NMT1: variants seen among roughly 807,000 people sequenced by gnomAD.
NMT1 encodes the protein glycylpeptide N-tetradecanoyltransferase 1.
In NMT1, 12 loss-of-function variants were observed where a neutral mutation model predicts 63.4. The ratio of observed to expected loss-of-function variants is 0.19; its 90% confidence interval spans 0.12 to 0.31. The LOEUF is 0.31. NMT1 is among the 10% of genes least tolerant of loss of function. NMT1 has a pLI of 1.00. For synonymous variants in NMT1, 228 were observed against 234.3 expected, an observed-to-expected ratio of 0.97 and a Z score of 0.25; for missense variants, 432 against 634.6, an observed-to-expected ratio of 0.68 and a Z score of 3.43.
At chr17:45,082,187 G>C (rs1233444509) in intron 2 of NMT1, among the ~76,000 whole-genome samples, 1 of 152,044 alleles carries the variant, frequency 6.6e-6, no homozygotes, top group Admixed American at 6.6e-5. Flanking sequence ...GCTCACTGCA[G>C]CCTCCACTCC....
At chr17:45,070,873 A>C (rs2053935422) in intron 1 of NMT1, among the ~76,000 whole-genome samples, 1 of 152,208 alleles carries the variant, frequency 6.6e-6, no homozygotes, top group African/African-American at 2.4e-5. Context: ...TGATGGCAGT[A>C]CTAAAGTGTT....
intron 1 of NMT1, among the ~76,000 whole-genome samples, chr17:45,072,142 C>T (rs1233466637): frequency 4.0e-5 from 6 of 151,540 alleles, no homozygotes; most frequent in Admixed American, 6.6e-5. Flanking sequence ...GTCCCAGCTA[C>T]GCAGGAGGCT....
At chr17:45,067,875 G>A (rs1289848883) in intron 1 of NMT1, among the ~76,000 whole-genome samples, 4 of 152,182 alleles carry the variant, frequency 2.6e-5, no homozygotes, top group East Asian at 1.9e-4. Context: ...TCAGGGACTC[G>A]CTGCTCATGG....
rs530382672 is a variant in NMT1 at position 45,107,635 on chromosome 17, T to C, written c.*1996T>C. The C allele has an allele frequency of 3.3e-5, 5 of 152,520 alleles. No individual in the cohort carries two copies. Among genetic ancestry groups the C allele is most frequent in the Admixed American group, 6.5e-5 (1 of 15,302 alleles). 9.4% of individuals were successfully genotyped at this position (152,520 alleles called of 1,614,324 possible). ...GATATCAAAGGACAAAGTGCCCAAG[T>C]CTTTCCTACCTTGGGGGAACCTGGA... On this transcript the variant is annotated 3_prime_UTR_variant, in exon 12 of 12. Coordinates refer to ENST00000258960, the MANE Select transcript of NMT1 (RefSeq NM_021079.5).
chr17:45,069,849 C>G (rs2053928384), intron 1 of NMT1, among the ~76,000 whole-genome samples: 1 of 150,802 alleles, frequency 6.6e-6, no homozygotes, highest in African/African-American at 2.4e-5. Context: ...CACCACTGCA[C>G]TCCAGCCTGG....
chr17:45,086,388 A>G (rs6416904), intron 2 of NMT1, 120 bp from the exon 3 acceptor site: 673,405 of 1,037,394 alleles, frequency 0.65, 221,429 homozygotes, highest in African/African-American at 0.9. Context: ...GCCTCCCAAA[A>G]TGTTGGGATT....
intron 1 of NMT1, among the ~76,000 whole-genome samples, chr17:45,079,117 T>TC (rs200198568): frequency 0.1 from 15,463 of 149,758 alleles, 919 homozygotes; most frequent in Middle Eastern, 0.18. Context: ...TTTTTTTTTT[T>TC]CCCCAAGATG....
At chr17:45,085,245 C>G (rs1210448033) in intron 2 of NMT1, among the ~76,000 whole-genome samples, 1 of 151,728 alleles carries the variant, frequency 6.6e-6, no homozygotes, top group East Asian at 1.9e-4. Context: ...AGAGCGAGAC[C>G]CTGTCTCAAA....
intron 3 of NMT1, among the ~76,000 whole-genome samples, chr17:45,090,155 A>T (rs2054078778): frequency 6.6e-6 from 1 of 152,112 alleles, no homozygotes; most frequent in Admixed American, 6.5e-5. Context: ...ATGGTAGCAC[A>T]TGCCTATGGT....
chr17:45,071,336 A>AG (rs578179591), intron 1 of NMT1: 4 of 152,148 alleles, frequency 2.6e-5, no homozygotes, highest in Non-Finnish European at 5.9e-5. Context: ...CTGGGACTAC[A>AG]GGCTAATTTT....
chr17:45,092,221 G>A (rs1336827526), intron 3 of NMT1, among the ~76,000 whole-genome samples: 1 of 147,046 alleles, frequency 6.8e-6, no homozygotes, highest in East Asian at 2.1e-4. Context: ...ATGAGGACAG[G>A]GACTTGGTCC....
At chr17:45,067,953 C>G (rs1163757265) in intron 1 of NMT1, among the ~76,000 whole-genome samples, 1 of 152,180 alleles carries the variant, frequency 6.6e-6, no homozygotes, top group Non-Finnish European at 1.5e-5. Context: ...CCCAGCTTTA[C>G]TAAGTTGGCA....
intron 4 of NMT1, 117 bp downstream of exon 4, chr17:45,093,920 G>A: frequency 1.3e-6 from 1 of 751,972 alleles, no homozygotes; most frequent in South Asian, 1.7e-5. Flanking sequence ...AAGGAGGTCT[G>A]AACAGACTCC....
At chr17:45,070,568 T>C (rs1340586516) in intron 1 of NMT1, among the ~76,000 whole-genome samples, 1 of 152,126 alleles carries the variant, frequency 6.6e-6, no homozygotes, top group East Asian at 1.9e-4. Flanking sequence ...TAGTCGCCCG[T>C]CACCACGCCC....
rs1379420648 is a variant in NMT1, at chr17:45,108,600, GAGA to G, written c.*2964_*2966del. The stretch of plus-strand genomic sequence containing the variant: ...ACAACTGCATGGAGCTGCACTCTAG[GAGA>G]AGGAGGGGAACCAGATGTTAGATCA... On this transcript the variant is annotated 3_prime_UTR_variant, in exon 12 of 12. Transcript: ENST00000258960. The G allele has an allele frequency of 6.6e-6, 1 of 152,664 alleles. No homozygotes were observed. The highest frequency in any genetic ancestry group is 2.4e-5 in the African/African-American group (1 of 41,426). The allele number at this position is 152,664 out of a possible 1,614,324, so 9.5% of individuals were successfully genotyped here.
intron 2 of NMT1, among the ~76,000 whole-genome samples, chr17:45,084,795 T>G (rs2054041425): frequency 6.6e-6 from 1 of 151,856 alleles, no homozygotes; most frequent in South Asian, 2.1e-4. Flanking sequence ...ATGGTGAGGG[T>G]CAGGAGCTAC....
chr17:45,098,430 G>A lies in NMT1; in HGVS notation c.762G>A (p.Leu254=), dbSNP rs1264834130. Residue 254 remains leucine, a synonymous_variant, in exon 7 of 12, where the codon CTG becomes CTA. Coordinates refer to ENST00000258960, the MANE Select transcript of NMT1 (RefSeq NM_021079.5). ...ACTTCCTGTGTGTCCACAAGAAGCT[G>A]CGTTCCAAGAGGGTTGCTCCAGTTC... ...EINFLCVHKK[L]RSKRVAPVLI... The A allele has an allele frequency of 3.1e-6, 5 of 1,614,226 alleles. No homozygotes were observed. The highest frequency in any genetic ancestry group is 4.2e-6 in the Non-Finnish European group (5 of 1,180,034).
At chr17:45,088,764 T>TCAA (rs368660508) in intron 3 of NMT1, among the ~76,000 whole-genome samples, 1 of 147,786 alleles carries the variant, frequency 6.8e-6, no homozygotes, top group South Asian at 2.1e-4. Context: ...AAAAATGAAT[T>TCAA]TAAAAAAAAA....
At chr17:45,091,187 G>GACACACACACAC (rs3062356) in intron 3 of NMT1, among the ~76,000 whole-genome samples, 4,030 of 120,974 alleles carry the variant, frequency 0.033, 214 homozygotes, top group Non-Finnish European at 0.043. Context: ...GGTCTTTCCT[G>GACACACACACAC]ACACACACAC....
Sources: allele counts gnomAD v4.1 joint callset (sites outside exome capture counted in the v4.1 genomes callset), GRCh38; gene constraint gnomAD v4.1.1; transcripts MANE v1.5; gene names NCBI Gene and HGNC (gene_info 2026-07-23, HGNC 2026-07-21).